The following TENM3 variants were observed in gnomAD, a reference collection of about 807,000 sequenced individuals.
TENM3 encodes the protein teneurin transmembrane protein 3.
TENM3 carries 63 observed loss-of-function variants against 255.1 expected under a neutral mutation model. The ratio of observed to expected loss-of-function variants is 0.25; its 90% CI spans 0.20 to 0.30. The LOEUF (loss-of-function observed/expected upper bound fraction) is 0.30. Among genes scored for constraint, TENM3 ranks in the 10% least tolerant of loss-of-function variants. The pLI, the probability that TENM3 is intolerant of heterozygous loss-of-function variation, is 1.00. For synonymous variants in TENM3, 1,306 were observed against 1,322.3 expected, an observed-to-expected ratio of 0.99 and a Z score of 0.27; for missense variants, 2,929 against 3,461.1, an observed-to-expected ratio of 0.85 and a Z score of 3.86.
chr4:182,042,833 T>C, the TENM3 span, among the ~76,000 whole-genome samples: 2 of 152,024 alleles, frequency 1.3e-5, no homozygotes, highest in African/African-American at 4.8e-5. Flanking sequence ...GTGTTCAGGT[T>C]ACTGTATCTG....
the TENM3 span, among the ~76,000 whole-genome samples, chr4:182,092,639 C>T: frequency 3.2e-3 from 492 of 152,180 alleles, 3 homozygotes; most frequent in Middle Eastern, 0.01. Flanking sequence ...AGAGCAAGAC[C>T]CTGACTCAAA....
At chr4:182,123,894 G>A in the TENM3 span, among the ~76,000 whole-genome samples, 37 of 152,280 alleles carry the variant, frequency 2.4e-4, no homozygotes, top group Middle Eastern at 6.8e-3. Context: ...GAGTGACAGC[G>A]TGGGGGAGTC....
the TENM3 span, among the ~76,000 whole-genome samples, chr4:181,925,399 C>A: frequency 6.6e-6 from 1 of 152,158 alleles, no homozygotes; most frequent in Non-Finnish European, 1.5e-5. Context: ...TTTAATTTAT[C>A]ACAGTGTTAC....
chr4:182,764,524 A>G (rs1355153294), intron 22 of TENM3, among the ~76,000 whole-genome samples: 1 of 152,192 alleles, frequency 6.6e-6, no homozygotes, highest in Non-Finnish European at 1.5e-5. Flanking sequence ...AGAAAAACTT[A>G]CCAAGGGAGG....
intron 3 of TENM3, among the ~76,000 whole-genome samples, chr4:182,591,250 A>C (rs1234594652): frequency 6.6e-6 from 1 of 152,160 alleles, no homozygotes; most frequent in Non-Finnish European, 1.5e-5. Context: ...AAAAAGAGAG[A>C]GAAAGAGAGA....
chr4:182,292,878 A>G (rs1761210294), intron 1 of TENM3, among the ~76,000 whole-genome samples: 1 of 152,210 alleles, frequency 6.6e-6, no homozygotes, highest in South Asian at 2.1e-4. Context: ...CACAGCTGAC[A>G]GCTGAAGGAT....
chr4:182,672,000 A>G (rs1755258934), intron 6 of TENM3, among the ~76,000 whole-genome samples: 1 of 152,108 alleles, frequency 6.6e-6, no homozygotes, highest in Admixed American at 6.5e-5. Flanking sequence ...AAAAGGGCTG[A>G]ATTGATAGAA....
chr4:181,589,038 C>G, the TENM3 span, among the ~76,000 whole-genome samples: 1 of 151,768 alleles, frequency 6.6e-6, no homozygotes, highest in South Asian at 2.1e-4. Context: ...AGGAAGAGCG[C>G]CTTGAGTGTA....
chr4:181,923,987 C>T, the TENM3 span, among the ~76,000 whole-genome samples: 1 of 151,966 alleles, frequency 6.6e-6, no homozygotes, highest in Non-Finnish European at 1.5e-5. Flanking sequence ...GAAAGACAGT[C>T]CCCCCTCAGT....
chr4:181,611,209 T>C, the TENM3 span, among the ~76,000 whole-genome samples: 1 of 152,214 alleles, frequency 6.6e-6, no homozygotes, highest in Non-Finnish European at 1.5e-5. Context: ...CGTTTCTGGT[T>C]TTCTCCGTTA....
chr4:181,621,457 T>C, the TENM3 span, among the ~76,000 whole-genome samples: 82,082 of 152,048 alleles, frequency 0.54, 22,774 homozygotes, highest in Admixed American at 0.63. Flanking sequence ...TTTAATGCTA[T>C]AATACAGAGA....
chr4:182,100,003 G>A, the TENM3 span, among the ~76,000 whole-genome samples: 1 of 151,972 alleles, frequency 6.6e-6, no homozygotes, highest in Non-Finnish European at 1.5e-5. Context: ...TGGCTAAGAC[G>A]GTCAGTGTTT....
intron 1 of TENM3, among the ~76,000 whole-genome samples, chr4:182,169,993 G>T (rs1288043609): frequency 6.6e-6 from 1 of 151,144 alleles, no homozygotes; most frequent in African/African-American, 2.4e-5. Context: ...AAATTTAAGT[G>T]TACTTTCATT....
chr4:181,573,427 T>A, the TENM3 span, among the ~76,000 whole-genome samples: 1 of 152,138 alleles, frequency 6.6e-6, no homozygotes. Context: ...ATTTTTTTTT[T>A]AAAGAAATAT....
At chr4:182,018,733 A>G in the TENM3 span, among the ~76,000 whole-genome samples, 49 of 152,324 alleles carry the variant, frequency 3.2e-4, no homozygotes, top group African/African-American at 1.1e-3. Flanking sequence ...TGTAGAAACC[A>G]AGACACAGAG....
At chr4:181,777,727 A>G in the TENM3 span, among the ~76,000 whole-genome samples, 1 of 152,144 alleles carries the variant, frequency 6.6e-6, no homozygotes. Context: ...ACTATACTTG[A>G]ATATCACATA....
chr4:182,160,342 C>A (rs527289544), intron 1 of TENM3, among the ~76,000 whole-genome samples: 2 of 152,270 alleles, frequency 1.3e-5, no homozygotes, highest in South Asian at 4.1e-4. Context: ...TAAATGGTTA[C>A]CTTTTTCCAC....
chr4:182,329,688 C>T (rs1763631154), intron 2 of TENM3, among the ~76,000 whole-genome samples: 1 of 151,912 alleles, frequency 6.6e-6, no homozygotes, highest in Non-Finnish European at 1.5e-5. Flanking sequence ...ATGATAACAA[C>T]AAAAAAGCAA....
chr4:182,637,174 A>G (rs1315903292), intron 5 of TENM3, among the ~76,000 whole-genome samples: 2 of 152,158 alleles, frequency 1.3e-5, no homozygotes, highest in East Asian at 3.8e-4. Context: ...AATTCAGCAT[A>G]AAACCTTTAA....
Sources: gnomAD v4.1 joint callset for allele counts (sites outside exome capture counted in the v4.1 genomes callset) on GRCh38, gnomAD v4.1.1 for gene constraint, MANE v1.5 for transcripts, NCBI Gene and HGNC (gene_info 2026-07-23, HGNC 2026-07-21) for gene names.